Variants in TDRD15 observed in about 807,000 individuals in gnomAD.
TDRD15 encodes the protein tudor domain containing 15.
For synonymous variants in TDRD15, 503 were observed against 314.5 expected (o/e 1.60, Z -6.34); for missense variants, 1,416 against 904.7 (o/e 1.57, Z -7.25).
At position 21,138,105 on chromosome 2, in the gene TDRD15, C is replaced by A; in HGVS notation, c.638C>A (p.Pro213His). ...QMPDLLQHKRPELSLGNKDTS... is the reference protein window; with the variant it reads ...QMPDLLQHKRHELSLGNKDTS... ...CCAGATTTATTACAACATAAAAGGC[C>A]TGAATTGTCATTAGGTAATAAAGAT... The change falls in exon 4 of 4, where the codon CCT (proline) becomes CAT (histidine). Residue 213 changes from proline to histidine, a missense_variant. Physicochemically the swap from Pro to His is moderately conservative, Grantham distance 77. Transcript: ENST00000405799. 1 of 716,222 alleles carries A rather than the reference C, an allele frequency of 1.4e-6. No homozygotes were observed. Among genetic ancestry groups the A allele is most frequent in the South Asian group, 1.5e-5 (1 of 67,480 alleles). The allele number at this position is 716,222 out of a possible 1,614,324, so 44.4% of individuals were successfully genotyped here. A position where few individuals can be genotyped will look rare whatever the true frequency, so the allele number is the denominator to read the frequency against.
chr2:21,130,775 C>T (rs984384691), intron 2 of TDRD15, among the ~76,000 whole-genome samples: 4 of 152,154 alleles, frequency 2.6e-5, no homozygotes, highest in Non-Finnish European at 5.9e-5. Flanking sequence ...AAGGCAATGG[C>T]ACCAAACTAT....
At chr2:21,145,384 C>T (rs945610933), downstream of TDRD15, among the ~76,000 whole-genome samples, 4 of 152,002 alleles carry the variant, frequency 2.6e-5, no homozygotes, top group Middle Eastern at 3.4e-3. Context: ...GCTCTTAGGT[C>T]CTTTACTATT....
chr2:21,142,253 G>A lies in TDRD15; in HGVS notation c.4786G>A (p.Val1596Ile). Reference sequence around the variant, plus strand: ...TACCTTGAAATGGCATCGATCAAAAGTAGAAGAAAAGTATGTTGATGATAA... The same window carrying A: ...TACCTTGAAATGGCATCGATCAAAAATAGAAGAAAAGTATGTTGATGATAA... ...KNTLKWHRSKVEEKYVDDKVL... is the reference protein window; with the variant it reads ...KNTLKWHRSKIEEKYVDDKVL... The change falls in exon 4 of 4, where the codon GTA becomes ATA. Residue 1596 changes from valine to isoleucine, a missense_variant. By Grantham distance (29) the Val-to-Ile change is conservative. Coordinates refer to ENST00000405799, the MANE Select transcript of TDRD15 (RefSeq NM_001306137.2). 1 of 700,230 alleles carries A rather than the reference G, an allele frequency of 1.4e-6. No individual in the cohort carries two copies. Among genetic ancestry groups the A allele is most frequent in the Non-Finnish European group, 2.6e-6 (1 of 379,974 alleles). 43.4% of individuals were successfully genotyped at this position (700,230 alleles called of 1,614,324 possible).
At position 21,129,340 on chromosome 2, in the gene TDRD15, G is replaced by C. The variant is rs574792669; in HGVS notation, c.-90+1629G>C. ...CGTTTTACAGGTGCAGATTGCAGGA[G>C]GGTTCTAATTTGTCTACATTCTTGC... is the stretch of plus-strand genomic sequence containing the variant. On this transcript the variant is annotated intron_variant, in intron 2 of 3. Coordinates refer to ENST00000405799, the MANE Select transcript of TDRD15 (RefSeq NM_001306137.2). 5.9e-5 allele frequency among the ~76,000 whole-genome samples: 9 copies of C among 152,244 alleles called. No individual in the cohort carries two copies. The South Asian group carries it at 1.0e-3, about 18-fold the overall frequency.
Position 21,137,529 on chromosome 2 carries a change from A to G in TDRD15, c.62A>G (p.Lys21Arg), listed in dbSNP as rs1164518837. The change falls in exon 4 of 4, where the codon AAA (lysine) becomes AGA (arginine). Residue 21 changes from lysine (K) to arginine (R), a missense_variant. Physicochemically the swap from Lys to Arg is conservative, Grantham distance 26. Coordinates refer to ENST00000405799, the MANE Select transcript of TDRD15 (RefSeq NM_001306137.2). ...LDVDLTISHIKCLPKDILVKF... is the reference protein window; with the variant it reads ...LDVDLTISHIRCLPKDILVKF... ...GTGGATCTGACAATATCACATATTA[A>G]ATGTCTTCCCAAGGATATTCTGGTG... The G allele has an allele frequency of 4.3e-6, 3 of 705,498 alleles. No homozygotes were observed. The highest frequency in any genetic ancestry group is 2.7e-5 in the East Asian group (1 of 37,178). 43.7% of individuals were successfully genotyped at this position (705,498 alleles called of 1,614,324 possible). A position where few individuals can be genotyped will look rare whatever the true frequency, so the allele number is the denominator to read the frequency against.
Position 21,141,842 on chromosome 2 carries a change from GA to G in TDRD15, c.4380del (p.Lys1460AsnfsTer8). 1.4e-6 allele frequency: 1 copy of G among 714,684 alleles called. No individual in the cohort carries two copies. The highest frequency in any genetic ancestry group is 2.6e-6 in the Non-Finnish European group (1 of 383,514). 44.3% of individuals were successfully genotyped at this position (714,684 alleles called of 1,614,324 possible). On this transcript the variant is annotated frameshift_variant, in exon 4 of 4. Transcript: ENST00000405799. LOFTEE classifies it low-confidence loss of function (END_TRUNC). ...QKWEVNMICDEKCVINELLKW... is the reference protein window; with the variant it reads ...QKWEVNMICDXKCVINELLKW... Reference sequence around the variant, plus strand: ...ATGGGAAGTAAATATGATTTGTGATGAAAAATGTGTCATTAATGAACTACTG... The same window carrying G: ...ATGGGAAGTAAATATGATTTGTGATGAAAATGTGTCATTAATGAACTACTG...
chr2:21,128,985 G>A (rs866434309), intron 2 of TDRD15, among the ~76,000 whole-genome samples: 1 of 151,756 alleles, frequency 6.6e-6, no homozygotes, highest in African/African-American at 2.4e-5. Context: ...CTACCAGGCT[G>A]GAGTGCAGTG....
Position 21,140,953 on chromosome 2 carries a change from T to G in TDRD15, c.3486T>G (p.Asn1162Lys). 1 of 712,732 alleles carries G rather than the reference T, an allele frequency of 1.4e-6. No individual in the cohort carries two copies. 44.2% of individuals were successfully genotyped at this position (712,732 alleles called of 1,614,324 possible). A position where few individuals can be genotyped will look rare whatever the true frequency, so the allele number is the denominator to read the frequency against. Reference sequence around the variant, plus strand: ...AAAAGAGTAATAAAATAAATGAGAATAAGAGATTTACTACTTCTTTGAAAG... The same window carrying G: ...AAAAGAGTAATAAAATAAATGAGAAGAAGAGATTTACTACTTCTTTGAAAG... The part of the protein sequence containing the change: ...CMEKSNKINE[N>K]KRFTTSLKGK... The change falls in exon 4 of 4, where the codon AAT becomes AAG. Residue 1162 changes from asparagine (N) to lysine (K), a missense_variant. Physicochemically the swap from Asn to Lys is moderately conservative, Grantham distance 94. Coordinates refer to ENST00000405799, the MANE Select transcript of TDRD15 (RefSeq NM_001306137.2).
At chr2:21,133,256 A>G (rs773678985) in intron 2 of TDRD15, among the ~76,000 whole-genome samples, 7 of 152,224 alleles carry the variant, frequency 4.6e-5, no homozygotes, top group Non-Finnish European at 8.8e-5. Flanking sequence ...CTTTTGGAAC[A>G]TAGTGACCTT....
At chr2:21,135,730 G>A (rs868164975) in intron 3 of TDRD15, among the ~76,000 whole-genome samples, 23 of 151,874 alleles carry the variant, frequency 1.5e-4, no homozygotes, top group Non-Finnish European at 2.6e-4. Context: ...CCCGGGTTGG[G>A]GTGTAATGCC....
In TDRD15 at chr2:21,141,332, C is replaced by T; in HGVS notation, c.3865C>T (p.Pro1289Ser). 1 of 715,736 alleles carries T rather than the reference C, an allele frequency of 1.4e-6. No homozygotes were observed. Among genetic ancestry groups the T allele is most frequent in the Non-Finnish European group, 2.6e-6 (1 of 383,800 alleles). The allele number at this position is 715,736 out of a possible 1,614,324, so 44.3% of individuals were successfully genotyped here. A position where few individuals can be genotyped will look rare whatever the true frequency, so the allele number is the denominator to read the frequency against. ...IRPQIKDLPQ[P>S]QIYLNAKVKG... ...GCCACAGATCAAAGACCTTCCTCAACCGCAAATTTATTTGAATGCCAAAGT... is the reference window on the plus strand; with the variant it reads ...GCCACAGATCAAAGACCTTCCTCAATCGCAAATTTATTTGAATGCCAAAGT... The change falls in exon 4 of 4, where the codon CCG becomes TCG. Residue 1289 changes from proline (P) to serine (S), a missense_variant. Physicochemically the swap from Pro to Ser is moderately conservative, Grantham distance 74. Transcript: ENST00000405799.
In TDRD15 at chr2:21,140,224, A is replaced by G. The variant is rs1009897439; in HGVS notation, c.2757A>G (p.Leu919=). The G allele has an allele frequency of 8.4e-6, 6 of 715,330 alleles. No individual in the cohort carries two copies. Among genetic ancestry groups the G allele is most frequent in the Non-Finnish European group, 1.6e-5 (6 of 383,832 alleles). The allele number at this position is 715,330 out of a possible 1,614,324, so 44.3% of individuals were successfully genotyped here. ...HPNHLYNLVD[L]QSSFTSAKEF... is the part of the protein sequence containing the mutation. ...ACCATTTATATAACTTAGTGGATTT[A>G]CAGTCCTCATTTACTAGTGCAAAAG... The change falls in exon 4 of 4, where the codon TTA becomes TTG. Residue 919 remains leucine (L), a synonymous_variant. Coordinates refer to ENST00000405799, the MANE Select transcript of TDRD15 (RefSeq NM_001306137.2).
Position 21,137,515 on chromosome 2 carries a change from A to C in TDRD15, c.48A>C (p.Thr16=), listed in dbSNP as rs1470448734. Residue 16 remains threonine (T), a synonymous_variant, in exon 4 of 4, where the codon ACA becomes ACC. Transcript: ENST00000405799. ...FLPTFLDVDL[T]ISHIKCLPKD... The stretch of plus-strand genomic sequence containing the variant: ...CAACATTTTTAGATGTGGATCTGAC[A>C]ATATCACATATTAAATGTCTTCCCA... 4.3e-6 allele frequency: 3 copies of C among 692,906 alleles called. No individual in the cohort carries two copies. Among genetic ancestry groups the C allele is most frequent in the Admixed American group, 2.3e-5 (1 of 43,188 alleles). The allele number at this position is 692,906 out of a possible 1,614,324, so 42.9% of individuals were successfully genotyped here. A position where few individuals can be genotyped will look rare whatever the true frequency, so the allele number is the denominator to read the frequency against.
At position 21,137,919 on chromosome 2, in the gene TDRD15, A is replaced by T; in HGVS notation, c.452A>T (p.Gln151Leu). 1 of 716,650 alleles carries T rather than the reference A, an allele frequency of 1.4e-6. No homozygotes were observed. Among genetic ancestry groups the T allele is most frequent in the Non-Finnish European group, 2.6e-6 (1 of 384,480 alleles). The allele number at this position is 716,650 out of a possible 1,614,324, so 44.4% of individuals were successfully genotyped here. A position where few individuals can be genotyped will look rare whatever the true frequency, so the allele number is the denominator to read the frequency against. ...LNYFKSLVGIQVKGYVQAILP... is the reference protein window; with the variant it reads ...LNYFKSLVGILVKGYVQAILP... ...TATTTCAAGTCATTAGTAGGAATAC[A>T]AGTGAAAGGTTATGTGCAAGCTATT... The change falls in exon 4 of 4, where the codon CAA (glutamine) becomes CTA (leucine). Residue 151 changes from glutamine to leucine, a missense_variant. By Grantham distance (113) the Gln-to-Leu change is moderately radical. Transcript: ENST00000405799.
rs1421350987 is a variant in TDRD15, at chr2:21,140,150, A to G, written c.2683A>G (p.Arg895Gly). ...CTTGTGGAATTTTATCTCTTCATCT[A>G]GAGGGTTATTGACTTGTATCATCTA... ...RDLWNFISSSRGLLTCIIYAL... is the reference protein window; with the variant it reads ...RDLWNFISSSGGLLTCIIYAL... Residue 895 changes from arginine (R) to glycine (G), a missense_variant, in exon 4 of 4, where the codon AGA becomes GGA. By Grantham distance (125) the Arg-to-Gly change is moderately radical (BLOSUM62 -2). Transcript: ENST00000405799. 1 of 715,840 alleles carries G rather than the reference A, an allele frequency of 1.4e-6. No homozygotes were observed. Among genetic ancestry groups the G allele is most frequent in the African/African-American group, 1.7e-5 (1 of 57,178 alleles). The allele number at this position is 715,840 out of a possible 1,614,324, so 44.3% of individuals were successfully genotyped here. A position where few individuals can be genotyped will look rare whatever the true frequency, so the allele number is the denominator to read the frequency against.
Position 21,125,429 on chromosome 2 carries a change from GGTGTGT to G in TDRD15, c.-201+1399_-201+1404del, listed in dbSNP as rs77767650. 2.0e-3 allele frequency among the ~76,000 whole-genome samples: 299 copies of G among 147,340 alleles called. 1 individual carries two copies. Among genetic ancestry groups the G allele is most frequent in the African/African-American group, 5.8e-3 (234 of 40,010 alleles). ...TGTTAGGAAGAGATCCGAATGCCAGGGTGTGTGTGTGTGTGTGTGTGAGTGTGAGAG... is the reference window on the plus strand; with the variant it reads ...TGTTAGGAAGAGATCCGAATGCCAGGGTGTGTGTGTGTGTGAGTGTGAGAG... On this transcript the variant is annotated intron_variant, in intron 1 of 3. Coordinates refer to ENST00000405799, the MANE Select transcript of TDRD15 (RefSeq NM_001306137.2).
Position 21,140,992 on chromosome 2 carries a change from C to G in TDRD15, c.3525C>G (p.Asn1175Lys), listed in dbSNP as rs1408754286. The change falls in exon 4 of 4, where the codon AAC becomes AAG. Residue 1175 changes from asparagine to lysine, a missense_variant. Coordinates refer to ENST00000405799, the MANE Select transcript of TDRD15 (RefSeq NM_001306137.2). ...FTTSLKGKTG[N>K]NYRHNVINKP... is the part of the protein sequence containing the mutation. ...CTTCTTTGAAAGGCAAAACAGGAAA[C>G]AACTATCGCCATAATGTGATAAATA... 1.4e-6 allele frequency: 1 copy of G among 713,814 alleles called. No individual in the cohort carries two copies. The highest frequency in any genetic ancestry group is 2.6e-6 in the Non-Finnish European group (1 of 383,394). 44.2% of individuals were successfully genotyped at this position (713,814 alleles called of 1,614,324 possible).
Position 21,140,463 on chromosome 2 carries a change from C to T in TDRD15, c.2996C>T (p.Thr999Ile), listed in dbSNP as rs1258307393. Reference protein sequence around the residue: ...KDLEMIETKITESVNLQNFPK... With the variant: ...KDLEMIETKIIESVNLQNFPK... ...CTAGAGATGATAGAAACAAAAATCACAGAGAGTGTTAACCTCCAAAATTTT... is the reference window on the plus strand; with the variant it reads ...CTAGAGATGATAGAAACAAAAATCATAGAGAGTGTTAACCTCCAAAATTTT... The change falls in exon 4 of 4, where the codon ACA becomes ATA. Residue 999 changes from threonine to isoleucine, a missense_variant. Coordinates refer to ENST00000405799, the MANE Select transcript of TDRD15 (RefSeq NM_001306137.2). 1.4e-6 allele frequency: 1 copy of T among 697,342 alleles called. No homozygotes were observed. Among genetic ancestry groups the T allele is most frequent in the Admixed American group, 2.2e-5 (1 of 45,094 alleles). 43.2% of individuals were successfully genotyped at this position (697,342 alleles called of 1,614,324 possible).
Position 21,140,245 on chromosome 2 carries a change from A to G in TDRD15, c.2778A>G (p.Ala926=). The G allele has an allele frequency of 1.4e-6, 1 of 715,474 alleles. No individual in the cohort carries two copies. Among genetic ancestry groups the G allele is most frequent in the Middle Eastern group, 2.3e-4 (1 of 4,356 alleles). 44.3% of individuals were successfully genotyped at this position (715,474 alleles called of 1,614,324 possible). A position where few individuals can be genotyped will look rare whatever the true frequency, so the allele number is the denominator to read the frequency against. ...ATTTACAGTCCTCATTTACTAGTGC[A>G]AAAGAATTTCTTATGAATCGTGGCT... ...LVDLQSSFTS[A]KEFLMNRGSA... Residue 926 remains alanine, a synonymous_variant, in exon 4 of 4, where the codon GCA becomes GCG. Transcript: ENST00000405799.
Sources: allele counts gnomAD v4.1 joint callset (sites outside exome capture counted in the v4.1 genomes callset), GRCh38; gene constraint gnomAD v4.1.1; transcripts MANE v1.5; gene names NCBI Gene and HGNC (gene_info 2026-07-23, HGNC 2026-07-21).